Variants in DOCK1 observed in about 807,000 individuals in gnomAD.
DOCK1 encodes dedicator of cytokinesis 1.
In DOCK1, 138 loss-of-function variants were observed where a neutral mutation model predicts 262.7. The observed-to-expected ratio is 0.53, with a 90% CI of 0.46 to 0.61. The LOEUF is 0.61. Among genes scored for constraint, DOCK1 ranks in the 20% least tolerant of loss-of-function variants. DOCK1 has a pLI of 0.00. For synonymous variants in DOCK1, 866 were observed against 867.4 expected, an observed-to-expected ratio of 1.00 and a Z score of 0.03; for missense variants, 1,908 against 2,370.7, an observed-to-expected ratio of 0.80 and a Z score of 4.05.
intron 29 of DOCK1, among the ~76,000 whole-genome samples, chr10:127,327,567 A>G (rs2135625175): frequency 6.6e-6 from 1 of 152,274 alleles, no homozygotes; most frequent in South Asian, 2.1e-4. Context: ...TATTCACACC[A>G]CTGAAACTTT....
At chr10:127,339,945 ACT>A (rs1396019809) in intron 30 of DOCK1, among the ~76,000 whole-genome samples, 3 of 152,066 alleles carry the variant, frequency 2.0e-5, no homozygotes, top group Non-Finnish European at 4.4e-5. Flanking sequence ...AAGATGATTC[ACT>A]CTCTCAAAAG....
At chr10:127,275,759 G>GATAT (rs2060718489) in intron 29 of DOCK1, among the ~76,000 whole-genome samples, 1 of 151,916 alleles carries the variant, frequency 6.6e-6, no homozygotes, top group Admixed American at 6.6e-5. Flanking sequence ...CCTGTGTGTA[G>GATAT]ATGTAGGTGG....
chr10:127,283,350 C>G (rs2061030279), intron 29 of DOCK1, among the ~76,000 whole-genome samples: 1 of 152,236 alleles, frequency 6.6e-6, no homozygotes, highest in Non-Finnish European at 1.5e-5. Context: ...AACCCTTGAA[C>G]AGGGGCTGGG....
At chr10:127,099,248 T>C (rs759396106) in intron 23 of DOCK1, among the ~76,000 whole-genome samples, 9 of 152,204 alleles carry the variant, frequency 5.9e-5, no homozygotes, top group African/African-American at 1.2e-4. Context: ...GAGGGTCGAC[T>C]TCCCAATGTC....
intron 38 of DOCK1, among the ~76,000 whole-genome samples, chr10:127,391,370 A>G (rs2134196170): frequency 6.6e-6 from 1 of 152,322 alleles, no homozygotes; most frequent in South Asian, 2.1e-4. Flanking sequence ...GGAGAGAGGT[A>G]GAAACAGGCA....
chr10:127,451,353 A>AG lies in DOCK1; in HGVS notation c.5588dup (p.Ser1863ArgfsTer59). The AG allele has an allele frequency of 6.3e-7, 1 of 1,599,686 alleles. No individual in the cohort carries two copies. Among genetic ancestry groups the AG allele is most frequent in the Non-Finnish European group, 8.5e-7 (1 of 1,173,280 alleles). On this transcript the variant is annotated frameshift_variant, in exon 52 of 52. Transcript: ENST00000623213. LOFTEE classifies it high-confidence loss of function. The stretch of plus-strand genomic sequence containing the variant: ...TTAGCATCTGCCACCTCCACTGCCC[A>AG]GCAAAACTCCGCCTCCTCCCCCTCC...
intron 3 of DOCK1, among the ~76,000 whole-genome samples, chr10:126,981,067 C>A (rs2038936752): frequency 6.6e-6 from 1 of 151,912 alleles, no homozygotes; most frequent in Non-Finnish European, 1.5e-5. Context: ...CCTGCCTCAG[C>A]CTCCTGAGTA....
intron 27 of DOCK1, among the ~76,000 whole-genome samples, chr10:127,163,482 G>A (rs559793290): frequency 1.3e-5 from 2 of 152,282 alleles, no homozygotes; most frequent in South Asian, 2.1e-4. Context: ...AGGGCCAGAA[G>A]TAGAGTAGAT....
At chr10:127,093,242 C>CTTTTTTTTTTTTTTTTTTTTTTTTT (rs200302331) in intron 23 of DOCK1, among the ~76,000 whole-genome samples, 3 of 79,342 alleles carry the variant, frequency 3.8e-5, no homozygotes, top group Non-Finnish European at 4.4e-5. Flanking sequence ...TTTCTTTCTT[C>CTTTTTTTTTTTTTTTTTTTTTTTTT]TTTTTTTTTT....
At chr10:127,090,570 G>A (rs1423367715) in intron 23 of DOCK1, among the ~76,000 whole-genome samples, 4 of 151,902 alleles carry the variant, frequency 2.6e-5, no homozygotes, top group African/African-American at 7.3e-5. Flanking sequence ...GTGGCATGGG[G>A]TACATTTACA....
chr10:127,205,375 T>A (rs2057668659), intron 27 of DOCK1, among the ~76,000 whole-genome samples: 1 of 152,244 alleles, frequency 6.6e-6, no homozygotes, highest in South Asian at 2.1e-4. Flanking sequence ...CCTCTGGGTC[T>A]CTCAGCCCTG....
chr10:127,340,189 T>C (rs1330372558), intron 30 of DOCK1, among the ~76,000 whole-genome samples: 1 of 152,240 alleles, frequency 6.6e-6, no homozygotes, highest in African/African-American at 2.4e-5. Context: ...TATCATTTTC[T>C]CTGCTGAATG....
At chr10:127,025,817 C>T (rs1476249732) in intron 15 of DOCK1, 2 of 155,852 alleles carry the variant, frequency 1.3e-5, no homozygotes, top group Non-Finnish European at 2.8e-5. Context: ...AATCCCAGCA[C>T]TTTGGGAGGC....
chr10:127,200,083 C>T lies in DOCK1; in HGVS notation c.2848-47925C>T, dbSNP rs1397311659. Among the ~76,000 whole-genome samples, 3 of 152,310 alleles carry T rather than the reference C, an allele frequency of 2.0e-5. No homozygotes were observed. The East Asian group carries it at 5.8e-4, about 29-fold the overall frequency. ...TGTCCGATGTCGCTGTGACAGAGCT[C>T]GCTATGGACGTGAATTTTTCTTTCC... On this transcript the variant is annotated intron_variant, in intron 27 of 51. Coordinates refer to ENST00000623213, the MANE Select transcript of DOCK1 (RefSeq NM_001290223.2).
intron 29 of DOCK1, among the ~76,000 whole-genome samples, chr10:127,323,275 G>C (rs149814421): frequency 2.0e-5 from 3 of 152,240 alleles, no homozygotes; most frequent in Non-Finnish European, 2.9e-5. Context: ...GCCCTGCCTG[G>C]TGAGTTTACT....
chr10:127,076,316 A>G (rs762245319), intron 23 of DOCK1, among the ~76,000 whole-genome samples: 1 of 152,206 alleles, frequency 6.6e-6, no homozygotes, highest in Non-Finnish European at 1.5e-5. Flanking sequence ...CCTGGCTAAC[A>G]CGGTGAAACC....
At chr10:126,985,577 C>A (rs1395089666) in intron 4 of DOCK1, among the ~76,000 whole-genome samples, 2 of 152,110 alleles carry the variant, frequency 1.3e-5, no homozygotes, top group African/African-American at 4.8e-5. Flanking sequence ...TCGTTGAGCT[C>A]CAGGCTTCTC....
chr10:127,177,558 G>A (rs1400178447), intron 27 of DOCK1, among the ~76,000 whole-genome samples: 2 of 152,328 alleles, frequency 1.3e-5, no homozygotes, highest in East Asian at 3.9e-4. Flanking sequence ...TACGGGGCCC[G>A]AGTGGCTGGA....
chr10:127,092,387 G>C (rs1046706820), intron 23 of DOCK1, among the ~76,000 whole-genome samples: 2 of 152,174 alleles, frequency 1.3e-5, no homozygotes, highest in African/African-American at 4.8e-5. Context: ...CACGGGCCTG[G>C]CACTGGCCGC....
Sources: gnomAD v4.1 joint callset for allele counts (sites outside exome capture counted in the v4.1 genomes callset) on GRCh38, gnomAD v4.1.1 for gene constraint, MANE v1.5 for transcripts, NCBI Gene and HGNC (gene_info 2026-07-23, HGNC 2026-07-21) for gene names.